The following OPCML variants were observed in gnomAD, a reference collection of about 807,000 sequenced individuals.
OPCML encodes the protein opioid binding protein/cell adhesion molecule like, also known as opioid-binding protein/cell adhesion molecule.
Under a neutral mutation model 37.8 loss-of-function variants are expected in OPCML, and 13 were observed. The ratio of observed to expected loss-of-function variants is 0.34; its 90% CI spans 0.22 to 0.55. The LOEUF (loss-of-function observed/expected upper bound fraction) is 0.55. OPCML is among the 20% of genes least tolerant of loss of function. The pLI is 0.91. For synonymous variants in OPCML, 176 were observed against 168.8 expected (o/e 1.04, Z -0.33); for missense variants, 341 against 435.6 (o/e 0.78, Z 1.93).
intron 2 of OPCML, among the ~76,000 whole-genome samples, chr11:132,701,610 A>C (rs931446304): frequency 6.6e-6 from 1 of 152,074 alleles, no homozygotes; most frequent in African/African-American, 2.4e-5. Flanking sequence ...CAGCCACTCT[A>C]TGTCTTTTGA....
chr11:133,076,177 A>T (rs1241894581), intron 1 of OPCML, among the ~76,000 whole-genome samples: 1 of 151,864 alleles, frequency 6.6e-6, no homozygotes, highest in African/African-American at 2.4e-5. Context: ...TTTGTACTTC[A>T]TTTACTTAAT....
At chr11:133,222,181 G>A (rs1939864720) in intron 1 of OPCML, among the ~76,000 whole-genome samples, 1 of 152,248 alleles carries the variant, frequency 6.6e-6, no homozygotes, top group East Asian at 1.9e-4. Context: ...GGAAGAAGAT[G>A]CAAATTCAGG....
intron 2 of OPCML, among the ~76,000 whole-genome samples, chr11:132,728,039 C>T (rs1056514886): frequency 6.6e-6 from 1 of 152,206 alleles, no homozygotes; most frequent in Non-Finnish European, 1.5e-5. Flanking sequence ...CCACACAGCT[C>T]ACCAGGGAGC....
intron 2 of OPCML, among the ~76,000 whole-genome samples, chr11:132,714,801 A>G (rs1944406598): frequency 6.6e-6 from 1 of 152,194 alleles, no homozygotes. Flanking sequence ...AAAATCCCCA[A>G]GGGGAGCTTT....
intron 1 of OPCML, among the ~76,000 whole-genome samples, chr11:133,467,929 A>G (rs1947013986): frequency 6.6e-6 from 1 of 152,200 alleles, no homozygotes; most frequent in African/African-American, 2.4e-5. Context: ...TTTGTATAAT[A>G]GGAGATCTGA....
chr11:132,725,323 T>C (rs1172758395), intron 2 of OPCML, among the ~76,000 whole-genome samples: 2 of 152,196 alleles, frequency 1.3e-5, no homozygotes, highest in African/African-American at 4.8e-5. Flanking sequence ...AACTCTACAT[T>C]GGCCCCTTTT....
At chr11:133,144,338 T>C (rs1949868029) in intron 1 of OPCML, among the ~76,000 whole-genome samples, 1 of 152,196 alleles carries the variant, frequency 6.6e-6, no homozygotes, top group Non-Finnish European at 1.5e-5. Context: ...GAGACACACA[T>C]CCATGCCATT....
At chr11:133,321,932 A>G (rs1389910275) in intron 1 of OPCML, among the ~76,000 whole-genome samples, 1 of 152,158 alleles carries the variant, frequency 6.6e-6, no homozygotes, top group African/African-American at 2.4e-5. Flanking sequence ...AAAAGCATAT[A>G]ATATCCGAAA....
intron 2 of OPCML, among the ~76,000 whole-genome samples, chr11:132,666,134 G>A (rs755949592): frequency 1.8e-4 from 27 of 152,218 alleles, no homozygotes; most frequent in Middle Eastern, 3.4e-3. Context: ...TGGTGTCTTC[G>A]TCCATTTCCA....
chr11:133,386,462 A>G (rs1341991546), intron 1 of OPCML, among the ~76,000 whole-genome samples: 1 of 152,184 alleles, frequency 6.6e-6, no homozygotes. Flanking sequence ...GCCAGCTCCC[A>G]GCTCCCAACA....
In OPCML at chr11:133,173,052, C is replaced by T. The variant is rs993476392; in HGVS notation, c.62-230042G>A. On this transcript the variant is annotated intron_variant, in intron 1 of 7. Coordinates refer to ENST00000524381, the MANE Select transcript of OPCML (RefSeq NM_001012393.5). The surrounding 1 kb of genome is among the most constrained non-coding windows in gnomAD (Gnocchi z 7.8). ...ATAATCAAACATCACTTGGACAATT[C>T]TGAACCAAAGTTATTATTAGTGAAC... 1.3e-5 allele frequency among the ~76,000 whole-genome samples: 2 copies of T among 152,116 alleles called. No individual in the cohort carries two copies. The highest frequency in any genetic ancestry group is 2.4e-5 in the African/African-American group (1 of 41,420).
chr11:132,997,876 A>G (rs1051510600), intron 1 of OPCML, among the ~76,000 whole-genome samples: 6 of 152,040 alleles, frequency 3.9e-5, no homozygotes, highest in Non-Finnish European at 2.9e-5. Context: ...CACACTTTCT[A>G]TCCTTAGATT....
At chr11:133,008,485 G>GTTCTTCTCTCCCA in intron 1 of OPCML, 1 of 918,610 alleles carries the variant, frequency 1.1e-6, no homozygotes, top group Non-Finnish European at 1.3e-6. Flanking sequence ...CTTTGGGAGA[G>GTTCTTCTCTCCCA]AAGAACGTAT....
intron 4 of OPCML, among the ~76,000 whole-genome samples, chr11:132,456,413 T>A (rs189606311): frequency 6.6e-6 from 1 of 152,230 alleles, no homozygotes; most frequent in Non-Finnish European, 1.5e-5. Flanking sequence ...AATTTAGTTT[T>A]AGTTAATTTT....
intron 1 of OPCML, among the ~76,000 whole-genome samples, chr11:133,089,635 G>T (rs1390315100): frequency 6.6e-6 from 1 of 152,088 alleles, no homozygotes; most frequent in Non-Finnish European, 1.5e-5. Context: ...AAATAAGAAA[G>T]AATATGATTA....
intron 4 of OPCML, among the ~76,000 whole-genome samples, chr11:132,461,399 A>G (rs1409744583): frequency 6.6e-6 from 1 of 152,162 alleles, no homozygotes; most frequent in Non-Finnish European, 1.5e-5. Flanking sequence ...CAGGTTCTGG[A>G]AAGGGGAACA....
At chr11:133,257,266 G>A (rs1197033007) in intron 1 of OPCML, among the ~76,000 whole-genome samples, 1 of 152,174 alleles carries the variant, frequency 6.6e-6, no homozygotes, top group Admixed American at 6.5e-5. Context: ...TCAAAACTGT[G>A]CAAGAAAAGG....
At chr11:133,022,343 A>G (rs1435948911) in intron 1 of OPCML, among the ~76,000 whole-genome samples, 1 of 152,082 alleles carries the variant, frequency 6.6e-6, no homozygotes, top group African/African-American at 2.4e-5. Flanking sequence ...TTTTTATTTT[A>G]CTTTTTAACC....
rs116325188 is a variant in OPCML, at chr11:133,459,401, T to G, written c.61+72863A>C. Among the ~76,000 whole-genome samples the G allele has an allele frequency of 2.3e-3, 353 of 152,122 alleles. 1 individual carries two copies. The highest frequency in any genetic ancestry group is 7.8e-3 in the African/African-American group (322 of 41,536). On this transcript the variant is annotated intron_variant, in intron 1 of 7. Coordinates refer to ENST00000524381, the MANE Select transcript of OPCML (RefSeq NM_001012393.5). Reference sequence around the variant, plus strand: ...TAGTAGTTACTTTATGTAAGTGGCTTAAACTCTCCAATCAAAAGACATGGA... The same window carrying G: ...TAGTAGTTACTTTATGTAAGTGGCTGAAACTCTCCAATCAAAAGACATGGA...
Sources: gnomAD v4.1 joint callset for allele counts (sites outside exome capture counted in the v4.1 genomes callset) on GRCh38, gnomAD v4.1.1 for gene constraint, Gnocchi (gnomAD v3.1) non-coding constraint, MANE v1.5 for transcripts, NCBI Gene and HGNC (gene_info 2026-07-23, HGNC 2026-07-21) for gene names.